YIPF1: variants seen among roughly 807,000 people sequenced by gnomAD.
The protein encoded by YIPF1 is protein YIPF1.
YIPF1 carries 22 observed loss-of-function variants against 37.0 expected under a neutral mutation model. The observed-to-expected ratio is 0.59, with a 90% CI of 0.42 to 0.85. The LOEUF is 0.85. Among genes scored for constraint, YIPF1 ranks in the 40% least tolerant of loss-of-function variants. The pLI is 0.00. For synonymous variants in YIPF1, 128 were observed against 131.9 expected (o/e 0.97, Z 0.21); for missense variants, 355 against 373.1 (o/e 0.95, Z 0.40).
Position 53,888,991 on chromosome 1 carries a change from A to G in YIPF1, c.-49-5T>C. On this transcript the variant is annotated splice_polypyrimidine_tract_variant and splice_region_variant and intron_variant, in intron 2 of 10. Transcript: ENST00000072644. Reference sequence around the variant, plus strand: ...AGGAAGAAAATTTGCAGGGTTCTAAAAGAAAAAAATAGGTAAACATAATAG... The same window carrying G: ...AGGAAGAAAATTTGCAGGGTTCTAAGAGAAAAAAATAGGTAAACATAATAG... The G allele has an allele frequency of 6.5e-7, 1 of 1,537,146 alleles. No homozygotes were observed. The highest frequency in any genetic ancestry group is 9.0e-7 in the Non-Finnish European group (1 of 1,113,358).
chr1:53,870,053 G>A (rs1650138981), intron 7 of YIPF1, among the ~76,000 whole-genome samples: 1 of 150,914 alleles, frequency 6.6e-6, no homozygotes, highest in African/African-American at 2.4e-5. Context: ...GTAGAGACGG[G>A]TTTCACCATG....
rs888351075 is a variant in YIPF1 at position 53,852,197 on chromosome 1, T to C, written c.*82A>G. The C allele has an allele frequency of 1.3e-5, 2 of 152,232 alleles. No homozygotes were observed. Among genetic ancestry groups the C allele is most frequent in the African/African-American group, 2.4e-5 (1 of 41,464 alleles). 9.4% of individuals were successfully genotyped at this position (152,232 alleles called of 1,614,324 possible). A position where few individuals can be genotyped will look rare whatever the true frequency, so the allele number is the denominator to read the frequency against. On this transcript the variant is annotated 3_prime_UTR_variant, in exon 11 of 11. Transcript: ENST00000072644. ...ATTTGTGCCACTCCATCAGTTCTGCTGGCTCTGCTCATTCTGCTTTCCTGC... is the reference window on the plus strand; with the variant it reads ...ATTTGTGCCACTCCATCAGTTCTGCCGGCTCTGCTCATTCTGCTTTCCTGC...
chr1:53,879,010 G>T (rs1270962546), intron 4 of YIPF1, among the ~76,000 whole-genome samples: 2 of 152,040 alleles, frequency 1.3e-5, no homozygotes, highest in African/African-American at 4.8e-5. Context: ...CCCTTATCTA[G>T]ATTCAACAGT....
rs1403280357 is a variant in YIPF1, at chr1:53,866,868, A to G, written c.538T>C (p.Trp180Arg). ...CTGTTTCTCCACATGAGGAAACCCCAGAGTGCAAGAGGAACCAGCCAGGCA... is the reference window on the plus strand; with the variant it reads ...CTGTTTCTCCACATGAGGAAACCCCGGAGTGCAAGAGGAACCAGCCAGGCA... ...AYAWLVPLAL[W>R]GFLMWRNSKV... Residue 180 changes from tryptophan to arginine, a missense_variant, in exon 8 of 11, where the codon TGG becomes CGG. By Grantham distance (101) the Trp-to-Arg change is moderately radical (BLOSUM62 -3). Transcript: ENST00000072644. The G allele has an allele frequency of 1.9e-6, 3 of 1,614,212 alleles. No homozygotes were observed. The highest frequency in any genetic ancestry group is 1.3e-5 in the African/African-American group (1 of 75,050).
intron 6 of YIPF1, among the ~76,000 whole-genome samples, chr1:53,873,216 T>C (rs1279103915): frequency 6.6e-6 from 1 of 152,104 alleles, no homozygotes; most frequent in Non-Finnish European, 1.5e-5. Flanking sequence ...AGACGATCAA[T>C]AAAATATCTA....
chr1:53,880,468 T>C (rs1291113288), intron 4 of YIPF1, among the ~76,000 whole-genome samples: 1 of 152,184 alleles, frequency 6.6e-6, no homozygotes, highest in Non-Finnish European at 1.5e-5. Flanking sequence ...ATCAGTATTG[T>C]GCAAATGGCA....
intron 9 of YIPF1, among the ~76,000 whole-genome samples, chr1:53,863,142 T>G (rs1649926911): frequency 6.6e-6 from 1 of 152,168 alleles, no homozygotes; most frequent in Middle Eastern, 3.2e-3. Context: ...GTCCAACCCG[T>G]CCCGCTCTTC....
intron 4 of YIPF1, among the ~76,000 whole-genome samples, chr1:53,882,705 C>T (rs569091071): frequency 2.0e-5 from 3 of 152,238 alleles, no homozygotes; most frequent in Admixed American, 1.3e-4. Context: ...GTGATCTGCC[C>T]GCCTCAGCCT....
intron 10 of YIPF1, among the ~76,000 whole-genome samples, chr1:53,853,483 G>C (rs912550695): frequency 6.6e-6 from 1 of 152,194 alleles, no homozygotes; most frequent in Non-Finnish European, 1.5e-5. Flanking sequence ...AGGGGCTGGA[G>C]ATAGAGTTAA....
At chr1:53,886,159 A>C (rs1170326549) in intron 3 of YIPF1, among the ~76,000 whole-genome samples, 1 of 151,908 alleles carries the variant, frequency 6.6e-6, no homozygotes, top group Non-Finnish European at 1.5e-5. Flanking sequence ...TGGAGAAGAT[A>C]CCATATGAGA....
At chr1:53,867,711 T>C (rs1045050641) in intron 7 of YIPF1, among the ~76,000 whole-genome samples, 1 of 152,218 alleles carries the variant, frequency 6.6e-6, no homozygotes, top group African/African-American at 2.4e-5. Flanking sequence ...GGGTAGAGAT[T>C]AACTTGCTCT....
intron 6 of YIPF1, among the ~76,000 whole-genome samples, chr1:53,875,592 C>T (rs886975132): frequency 6.6e-6 from 1 of 152,228 alleles, no homozygotes; most frequent in Non-Finnish European, 1.5e-5. Flanking sequence ...CCAAAGTCCT[C>T]ACTGTGACTT....
chr1:53,862,247 A>G (rs1649902729), intron 9 of YIPF1, among the ~76,000 whole-genome samples: 1 of 152,202 alleles, frequency 6.6e-6, no homozygotes, highest in Non-Finnish European at 1.5e-5. Context: ...AGGCTAGACA[A>G]CTATGTGTCT....
chr1:53,860,233 G>A, intron 9 of YIPF1, 80 bp from the exon 10 acceptor site: 1 of 1,356,688 alleles, frequency 7.4e-7, no homozygotes, highest in Non-Finnish European at 1.0e-6. Context: ...CATGCTAACA[G>A]TACTTTTGGA....
chr1:53,880,956 A>T (rs1436683392), intron 4 of YIPF1, among the ~76,000 whole-genome samples: 1 of 152,102 alleles, frequency 6.6e-6, no homozygotes, highest in Non-Finnish European at 1.5e-5. Flanking sequence ...AACTAAAAAA[A>T]CCCTAGAAGA....
chr1:53,873,442 T>C (rs1248815433), intron 6 of YIPF1, among the ~76,000 whole-genome samples: 1 of 152,034 alleles, frequency 6.6e-6, no homozygotes, highest in African/African-American at 2.4e-5. Context: ...TAGCCAGAGA[T>C]TGAAGAGATG....
chr1:53,862,418 G>A (rs1227520179), intron 9 of YIPF1, among the ~76,000 whole-genome samples: 1 of 152,162 alleles, frequency 6.6e-6, no homozygotes, highest in Non-Finnish European at 1.5e-5. Flanking sequence ...GTAGGGGTAG[G>A]GCACAGCTCC....
chr1:53,878,934 T>A (rs551769385), intron 4 of YIPF1, among the ~76,000 whole-genome samples: 1 of 152,118 alleles, frequency 6.6e-6, no homozygotes, highest in African/African-American at 2.4e-5. Context: ...ACCAAAAGGG[T>A]TCAAATCCTG....
intron 9 of YIPF1, among the ~76,000 whole-genome samples, chr1:53,863,361 G>A (rs1395796228): frequency 1.3e-5 from 2 of 152,312 alleles, no homozygotes; most frequent in East Asian, 3.9e-4. Context: ...TGGGTACTAT[G>A]GAGGAATAAG....
Sources: allele counts gnomAD v4.1 joint callset (sites outside exome capture counted in the v4.1 genomes callset), GRCh38; gene constraint gnomAD v4.1.1; transcripts MANE v1.5; gene names NCBI Gene and HGNC (gene_info 2026-07-23, HGNC 2026-07-21).